Variants in SLC35F5 observed in about 807,000 individuals in gnomAD.
SLC35F5 encodes solute carrier family 35 member F5.
SLC35F5 carries 54 observed loss-of-function variants against 68.6 expected under a neutral mutation model. The ratio of observed to expected loss-of-function variants is 0.79; its 90% confidence interval spans 0.63 to 0.99. The LOEUF (loss-of-function observed/expected upper bound fraction) is 0.99. SLC35F5 is among the 50% of genes least tolerant of loss of function. The pLI is 0.00. For synonymous variants in SLC35F5, 211 were observed against 205.2 expected (o/e 1.03, Z -0.24); for missense variants, 567 against 626.9 (o/e 0.90, Z 1.02).
At chr2:113,732,628 C>G (rs1687942978) in intron 9 of SLC35F5, among the ~76,000 whole-genome samples, 1 of 152,094 alleles carries the variant, frequency 6.6e-6, no homozygotes, top group Non-Finnish European at 1.5e-5. Flanking sequence ...TCAGATTCAG[C>G]TATTATTTAT....
intron 12 of SLC35F5, among the ~76,000 whole-genome samples, chr2:113,723,638 A>T (rs976664782): frequency 2.6e-5 from 4 of 152,206 alleles, no homozygotes; most frequent in African/African-American, 9.6e-5. Flanking sequence ...CCAAGCAAAA[A>T]TATCTCACCT....
chr2:113,756,331 G>T (rs778271528), intron 1 of SLC35F5, 39 bp downstream of exon 1: 1 of 1,558,484 alleles, frequency 6.4e-7, no homozygotes. Context: ...GTCCCGGTTT[G>T]GGCTCCGGTG....
rs569403647 is a variant in SLC35F5 at position 113,742,637 on chromosome 2, A to C, written c.750+55T>G. The C allele has an allele frequency of 1.9e-6, 3 of 1,543,846 alleles. No individual in the cohort carries two copies. In the African/African-American group the frequency reaches 4.1e-5, roughly 21 times the overall value. Reference sequence around the variant, plus strand: ...AATCCTATATTGTTGGTATGTATACAGTCTTAAAATTCAAGTTTCAAACAT... The same window carrying C: ...AATCCTATATTGTTGGTATGTATACCGTCTTAAAATTCAAGTTTCAAACAT... On this transcript the variant is annotated intron_variant, in intron 7 of 15. Coordinates refer to ENST00000245680, the MANE Select transcript of SLC35F5 (RefSeq NM_025181.5).
intron 7 of SLC35F5, chr2:113,742,028 A>C (rs13029093): frequency 0.49 from 75,170 of 151,984 alleles, 19,230 homozygotes; most frequent in Middle Eastern, 0.67. Flanking sequence ...AATGATGTAC[A>C]CATAAAATAT....
chr2:113,731,739 ATC>A (rs1201373008), intron 9 of SLC35F5, 91 bp from the exon 10 acceptor site: 7 of 986,992 alleles, frequency 7.1e-6, no homozygotes, highest in Non-Finnish European at 1.1e-5. Flanking sequence ...ATCAAGACTA[ATC>A]TCAACTTTGG....
intron 11 of SLC35F5, among the ~76,000 whole-genome samples, chr2:113,726,034 C>T (rs997654530): frequency 2.0e-5 from 3 of 152,186 alleles, no homozygotes; most frequent in Non-Finnish European, 4.4e-5. Flanking sequence ...TCCCAGACCT[C>T]TAACTAGTTA....
In SLC35F5 at chr2:113,727,417, A is replaced by G. The variant is rs74699739; in HGVS notation, c.1091-1880T>C. On this transcript the variant is annotated intron_variant, in intron 11 of 15. Transcript: ENST00000245680. ...ACACGACCTAAAATGCTTAAATAAC[A>G]TTACAAAGTTGTTTTAATGAAACAC... Among the ~76,000 whole-genome samples, 1,427 of 152,272 alleles carry G rather than the reference A, an allele frequency of 9.4e-3. 29 individuals are homozygous for G. Among genetic ancestry groups the G allele is most frequent in the African/African-American group, 0.032 (1,310 of 41,552 alleles).
intron 3 of SLC35F5, among the ~76,000 whole-genome samples, chr2:113,752,754 T>C (rs1574275018): frequency 6.6e-6 from 1 of 151,618 alleles, no homozygotes; most frequent in Non-Finnish European, 1.5e-5. Flanking sequence ...ACAAACTTAA[T>C]GGGAAAAAAA....
At chr2:113,744,945 C>T (rs1306826913) in intron 5 of SLC35F5, among the ~76,000 whole-genome samples, 1 of 152,106 alleles carries the variant, frequency 6.6e-6, no homozygotes, top group Non-Finnish European at 1.5e-5. Context: ...AAATCTCCAA[C>T]TAGGCTGATT....
intron 12 of SLC35F5, among the ~76,000 whole-genome samples, chr2:113,725,069 T>C (rs1687604519): frequency 6.6e-6 from 1 of 152,210 alleles, no homozygotes; most frequent in Admixed American, 6.5e-5. Flanking sequence ...ATCCATTAGA[T>C]AATGACTACT....
chr2:113,749,192 T>C (rs529606399), intron 4 of SLC35F5, among the ~76,000 whole-genome samples: 28 of 152,068 alleles, frequency 1.8e-4, no homozygotes, highest in Admixed American at 1.4e-3. Flanking sequence ...AGCCCAGCTT[T>C]AAAAAACAAT....
At chr2:113,740,826 C>T (rs1676243718) in intron 7 of SLC35F5, among the ~76,000 whole-genome samples, 1 of 152,132 alleles carries the variant, frequency 6.6e-6, no homozygotes, top group Admixed American at 6.5e-5. Context: ...GGGGTTTCAC[C>T]ACATTGGCCA....
chr2:113,708,994 AC>A lies in SLC35F5; in HGVS notation c.*6223del, dbSNP rs1214831674. Among the ~76,000 whole-genome samples the A allele has an allele frequency of 6.6e-6, 1 of 152,246 alleles. No individual in the cohort carries two copies. The highest frequency in any genetic ancestry group is 1.5e-5 in the Non-Finnish European group (1 of 68,046). On this transcript the variant is annotated 3_prime_UTR_variant, in exon 16 of 16. Transcript: ENST00000245680. The stretch of plus-strand genomic sequence containing the variant: ...GATTCCAACTGTACTCAAATATAAT[AC>A]AACTTCTTCAATGCTGCTTTATAAA...
chr2:113,745,803 T>C (rs1230140304), intron 5 of SLC35F5, among the ~76,000 whole-genome samples: 3 of 152,216 alleles, frequency 2.0e-5, no homozygotes, highest in African/African-American at 4.8e-5. Flanking sequence ...TTACTTTACT[T>C]GCTTATTACC....
Position 113,743,792 on chromosome 2 carries a change from A to C in SLC35F5, c.483T>G (p.Ser161Arg), listed in dbSNP as rs1423072415. 6.3e-7 allele frequency: 1 copy of C among 1,595,414 alleles called. No individual in the cohort carries two copies. The highest frequency in any genetic ancestry group is 8.5e-7 in the Non-Finnish European group (1 of 1,170,904). The change falls in exon 6 of 16, where the codon AGT (serine) becomes AGG (arginine). Residue 161 changes from serine to arginine, a missense_variant and splice_region_variant. By Grantham distance (110) the Ser-to-Arg change is moderately radical (BLOSUM62 -1). Coordinates refer to ENST00000245680, the MANE Select transcript of SLC35F5 (RefSeq NM_025181.5). ...TTDTTMNSSL[S>R]EPLYVPVKFH... Reference sequence around the variant, plus strand: ...ATTTCACAGGCACATACAGAGGTTCACTCTGGAATGTAACAGAAAAAAATA... The same window carrying C: ...ATTTCACAGGCACATACAGAGGTTCCCTCTGGAATGTAACAGAAAAAAATA...
chr2:113,734,594 T>G lies in SLC35F5; in HGVS notation c.912A>C (p.Val304=), dbSNP rs1688015997. The G allele has an allele frequency of 4.5e-6, 7 of 1,566,154 alleles. No homozygotes were observed. Among genetic ancestry groups the G allele is most frequent in the Admixed American group, 1.7e-5 (1 of 57,924 alleles). ...TCACACTATATGCTTACCTTAAAAT[T>G]ACAGCTAATAGTTTAGAAAGGGTAA... ...DRFTLSKLLA[V]ILSIGGVVLV... is the part of the protein sequence containing the mutation. The change falls in exon 9 of 16, where the codon GTA becomes GTC. Residue 304 remains valine (V), a synonymous_variant. Coordinates refer to ENST00000245680, the MANE Select transcript of SLC35F5 (RefSeq NM_025181.5).
At chr2:113,739,079 C>A (rs1334607107) in intron 7 of SLC35F5, among the ~76,000 whole-genome samples, 1 of 151,982 alleles carries the variant, frequency 6.6e-6, no homozygotes, top group Non-Finnish European at 1.5e-5. Flanking sequence ...CTGCTCTTAA[C>A]CTTATCTAAA....
At position 113,709,212 on chromosome 2, in the gene SLC35F5, C is replaced by A. The variant is rs1007723749; in HGVS notation, c.*6006G>T. Among the ~76,000 whole-genome samples the A allele has an allele frequency of 1.3e-5, 2 of 151,606 alleles. No homozygotes were observed. The highest frequency in any genetic ancestry group is 2.9e-5 in the Non-Finnish European group (2 of 67,954). On this transcript the variant is annotated 3_prime_UTR_variant, in exon 16 of 16. Transcript: ENST00000245680. Reference sequence around the variant, plus strand: ...TGGTGTCACTGTTATTCACTCTTTACAAAGCACTAAGTACACACAGGTGTT... The same window carrying A: ...TGGTGTCACTGTTATTCACTCTTTAAAAAGCACTAAGTACACACAGGTGTT...
Position 113,755,524 on chromosome 2 carries a change from G to C in SLC35F5, c.61C>G (p.Pro21Ala). 1 of 1,613,922 alleles carries C rather than the reference G, an allele frequency of 6.2e-7. No individual in the cohort carries two copies. The highest frequency in any genetic ancestry group is 1.3e-5 in the African/African-American group (1 of 75,032). The part of the protein sequence containing the change: ...GRPGVLSSSP[P>A]FRLRSAKFSG... ...AACTTGGCAGATCTCAGTCTAAAAG[G>C]AGGTGAAGAACTCAGCACCCCTAAA... The change falls in exon 2 of 16, where the codon CCT becomes GCT. Residue 21 changes from proline (P) to alanine (A), a missense_variant. Transcript: ENST00000245680.
Sources: allele counts gnomAD v4.1 joint callset (sites outside exome capture counted in the v4.1 genomes callset), GRCh38; gene constraint gnomAD v4.1.1; transcripts MANE v1.5; gene names NCBI Gene and HGNC (gene_info 2026-07-23, HGNC 2026-07-21).